The following SPATC1 variants were observed in gnomAD, a reference collection of about 807,000 sequenced individuals.
SPATC1 encodes speriolin.
In SPATC1, 35 loss-of-function variants were observed where a neutral mutation model predicts 36.5. The observed-to-expected ratio is 0.96, with a 90% confidence interval of 0.73 to 1.27. The LOEUF is 1.27. SPATC1 is among the 50% of genes most tolerant of loss of function. The probability of loss-of-function intolerance (pLI) is 0.00; values close to 1 mark genes in which losing one functional copy is unlikely to be tolerated. For missense variants in SPATC1, 779 were observed against 796.0 expected, an observed-to-expected ratio of 0.98 and a Z score of 0.26; for synonymous variants, 361 against 353.6, an observed-to-expected ratio of 1.02 and a Z score of -0.24.
intron 2 of SPATC1, 40 bp downstream of exon 2, chr8:144,040,503 G>T: frequency 3.2e-6 from 5 of 1,562,206 alleles, no homozygotes; most frequent in Non-Finnish European, 4.3e-6. Flanking sequence ...GAGTGGGGGG[G>T]GGCAGAGCCC....
intron 1 of SPATC1, among the ~76,000 whole-genome samples, chr8:144,032,356 C>T (rs1394134824): frequency 6.6e-5 from 10 of 152,158 alleles, no homozygotes; most frequent in African/African-American, 1.7e-4. Context: ...TGGCTCACTG[C>T]AATCTCCGCC....
chr8:144,027,053 C>T (rs1834698291), intron 1 of SPATC1, among the ~76,000 whole-genome samples: 1 of 139,464 alleles, frequency 7.2e-6, no homozygotes, highest in Non-Finnish European at 1.5e-5. Flanking sequence ...AGGATGGTCT[C>T]GATCTCCTGG....
chr8:144,012,493 C>A lies in SPATC1; in HGVS notation c.-23C>A. 6.5e-7 allele frequency: 1 copy of A among 1,549,462 alleles called. No homozygotes were observed. The highest frequency in any genetic ancestry group is 8.7e-7 in the Non-Finnish European group (1 of 1,145,018). ...AGGTGCAGTGCCCTCCCGTGGGCCG[C>A]ACCCTTGCCACTGCCCCAGGGCATG... On this transcript the variant is annotated 5_prime_UTR_variant, in exon 1 of 5. Coordinates refer to ENST00000377470, the MANE Select transcript of SPATC1 (RefSeq NM_198572.3).
At position 144,046,749 on chromosome 8, in the gene SPATC1, G is replaced by A. The variant is rs782138313; in HGVS notation, c.1569G>A (p.Ala523=). The stretch of plus-strand genomic sequence containing the variant: ...GCTACAACGGGCGGGTGCACCCTGC[G>A]CTGACCGAGCAGCTGGTGAACGCTT... ...SLGYNGRVHP[A]LTEQLVNAYG... Residue 523 remains alanine, a synonymous_variant, in exon 5 of 5, where the codon GCG becomes GCA. Coordinates refer to ENST00000377470, the MANE Select transcript of SPATC1 (RefSeq NM_198572.3). The surrounding 1 kb of genome is among the most constrained non-coding windows in gnomAD (Gnocchi z 6.6). 49 of 1,611,762 alleles carry A rather than the reference G, an allele frequency of 3.0e-5. No individual in the cohort carries two copies. The highest frequency in any genetic ancestry group is 2.2e-4 in the East Asian group (10 of 44,896).
intron 1 of SPATC1, among the ~76,000 whole-genome samples, chr8:144,032,857 A>G (rs1834825753): frequency 1.3e-5 from 2 of 152,040 alleles, no homozygotes; most frequent in Non-Finnish European, 2.9e-5. Flanking sequence ...CTGTGAGGAT[A>G]GTGACTTCTG....
intron 4 of SPATC1, among the ~76,000 whole-genome samples, chr8:144,042,377 T>C (rs1203575393): frequency 7.3e-6 from 1 of 136,060 alleles, no homozygotes; most frequent in African/African-American, 2.8e-5. Context: ...TGGAGTGCAA[T>C]GGTGCGATCT....
At chr8:144,021,261 TTCAGGACCCCCTTCC>T (rs1834525146) in intron 1 of SPATC1, among the ~76,000 whole-genome samples, 1 of 17,966 alleles carries the variant, frequency 5.6e-5, no homozygotes, top group African/African-American at 2.3e-4. Flanking sequence ...ACTCTCTTCC[TTCAGGACCCCCTTCC>T]CTCAGGTCCC....
intron 1 of SPATC1, among the ~76,000 whole-genome samples, chr8:144,027,410 T>G (rs1052323171): frequency 6.6e-6 from 1 of 152,248 alleles, no homozygotes; most frequent in African/African-American, 2.4e-5. Context: ...TTTCACTTTC[T>G]TAATAATGTC....
Position 144,040,887 on chromosome 8 carries a change from C to T in SPATC1, c.1086C>T (p.Pro362=). 3 of 1,589,460 alleles carry T rather than the reference C, an allele frequency of 1.9e-6. No homozygotes were observed. In the South Asian group the frequency reaches 3.4e-5, roughly 18 times the overall value. ...SSTTHIAQGA[P]HPPSRMHNSP... ...CCACCCACATCGCCCAGGGTGCCCCCCATCCCCCTTCCCGAATGCATAATT... is the reference window on the plus strand; with the variant it reads ...CCACCCACATCGCCCAGGGTGCCCCTCATCCCCCTTCCCGAATGCATAATT... Residue 362 remains proline, a synonymous_variant, in exon 3 of 5, where the codon CCC becomes CCT. Coordinates refer to ENST00000377470, the MANE Select transcript of SPATC1 (RefSeq NM_198572.3).
intron 1 of SPATC1, among the ~76,000 whole-genome samples, chr8:144,018,462 C>G (rs1834434663): frequency 6.6e-6 from 1 of 151,968 alleles, no homozygotes; most frequent in Non-Finnish European, 1.5e-5. Flanking sequence ...TTCAAGGTGG[C>G]AGAGACCTGA....
chr8:144,030,327 A>G (rs1216918267), intron 1 of SPATC1, among the ~76,000 whole-genome samples: 1 of 152,122 alleles, frequency 6.6e-6, no homozygotes, highest in African/African-American at 2.4e-5. Context: ...ATAAGAAAGC[A>G]CTATTTCTGC....
intron 1 of SPATC1, among the ~76,000 whole-genome samples, chr8:144,026,736 C>T (rs1834684966): frequency 6.6e-6 from 1 of 151,666 alleles, no homozygotes; most frequent in Non-Finnish European, 1.5e-5. Flanking sequence ...GCTTATTGGC[C>T]ATTTGTATAT....
Position 144,046,570 on chromosome 8 carries a change from C to A in SPATC1, c.1447-57C>A. 6.6e-7 allele frequency: 1 copy of A among 1,516,416 alleles called. No homozygotes were observed. Among genetic ancestry groups the A allele is most frequent in the Non-Finnish European group, 8.9e-7 (1 of 1,117,848 alleles). The allele number at this position is 1,516,416 out of a possible 1,614,324, so 93.9% of individuals were successfully genotyped here. ...ACCTGCCCCTCGGTCTTCCCCTTAC[C>A]TGCCTGTGTGTGGAGGTGTGGCAAG... On this transcript the variant is annotated intron_variant, in intron 4 of 4. Coordinates refer to ENST00000377470, the MANE Select transcript of SPATC1 (RefSeq NM_198572.3). This position sits in a 1 kb window ranked among gnomAD's most constrained non-coding sequence, Gnocchi z 6.6.
intron 1 of SPATC1, among the ~76,000 whole-genome samples, chr8:144,020,566 C>G (rs952393857): frequency 0.011 from 1,216 of 107,556 alleles, 2 homozygotes; most frequent in African/African-American, 0.031. Flanking sequence ...AGTATCCTCT[C>G]CCCTCAGGAC....
At chr8:144,041,197 C>T (rs782667265) in intron 3 of SPATC1, 35 bp from the exon 4 acceptor site, 5 of 1,611,332 alleles carry the variant, frequency 3.1e-6, no homozygotes, top group Middle Eastern at 1.7e-4. Flanking sequence ...TCCTCTCACC[C>T]TCTCACCTGG....
chr8:144,035,191 G>A (rs1433016351), intron 1 of SPATC1, among the ~76,000 whole-genome samples: 2 of 152,066 alleles, frequency 1.3e-5, no homozygotes, highest in African/African-American at 4.8e-5. Flanking sequence ...CCCCAGGCCC[G>A]CCTGCCCTCC....
Position 144,025,188 on chromosome 8 carries a change from C to T in SPATC1, c.211+12462C>T, listed in dbSNP as rs1010021094. On this transcript the variant is annotated intron_variant, in intron 1 of 4. Coordinates refer to ENST00000377470, the MANE Select transcript of SPATC1 (RefSeq NM_198572.3). The stretch of plus-strand genomic sequence containing the variant: ...CCTCAGGACCCTTTCTCCTCAGGGC[C>T]CTCTCCCCTTAGCACCCTCTCCCTT... Among the ~76,000 whole-genome samples, 8 of 152,210 alleles carry T rather than the reference C, an allele frequency of 5.3e-5. No homozygotes were observed. In the South Asian group the frequency reaches 1.7e-3, roughly 32 times the overall value.
chr8:144,014,142 C>A (rs1834333574), intron 1 of SPATC1, among the ~76,000 whole-genome samples: 1 of 152,068 alleles, frequency 6.6e-6, no homozygotes, highest in Non-Finnish European at 1.5e-5. Flanking sequence ...GTCCCAGCCA[C>A]TTGGGAGGCT....
rs531736981 is a variant in SPATC1 at position 144,012,621 on chromosome 8, G to A, written c.106G>A (p.Glu36Lys). The A allele has an allele frequency of 6.8e-5, 106 of 1,551,730 alleles. No homozygotes were observed. In the African/African-American group the frequency reaches 9.2e-4, roughly 13 times the overall value. Residue 36 changes from glutamate to lysine, a missense_variant, in exon 1 of 5, where the codon GAG (glutamate) becomes AAG (lysine). Glu to Lys is a moderately conservative substitution (Grantham distance 56, BLOSUM62 1). Transcript: ENST00000377470. ...GGTGCGGCTCATTCGGGAGAATCAC[G>A]AGCTCAAGTCAGCGATCAAGACTCA... The part of the protein sequence containing the change: ...KLVRLIRENH[E>K]LKSAIKTQAG...
Sources: gnomAD v4.1 joint callset for allele counts (sites outside exome capture counted in the v4.1 genomes callset) on GRCh38, gnomAD v4.1.1 for gene constraint, Gnocchi (gnomAD v3.1) non-coding constraint, MANE v1.5 for transcripts, NCBI Gene and HGNC (gene_info 2026-07-23, HGNC 2026-07-21) for gene names.